Variants in RTL4 observed in about 807,000 individuals in gnomAD.
The protein encoded by RTL4 is retrotransposon Gag-like protein 4.
A neutral mutation model predicts 5.3 loss-of-function variants in RTL4; 4 were observed. The observed-to-expected ratio is 0.75, with a 90% CI of 0.37 to 1.72. RTL4 has a LOEUF of 1.72. RTL4 is among the 40% of genes most tolerant of loss of function. RTL4 has a pLI of 0.04. For missense variants in RTL4, 260 were observed against 227.1 expected (o/e 1.14, Z -0.93); for synonymous variants, 98 against 87.3 (o/e 1.12, Z -0.68).
At chrX:112,426,676 T>A in the RTL4 span, among the ~76,000 whole-genome samples, 1 of 111,515 alleles carries the variant, frequency 9.0e-6, no homozygotes, top group South Asian at 3.7e-4. Flanking sequence ...ATTCCACTTG[T>A]TAATTGCTGT....
the RTL4 span, among the ~76,000 whole-genome samples, chrX:112,090,080 A>G: frequency 9.1e-6 from 1 of 110,479 alleles, no homozygotes; most frequent in African/African-American, 3.3e-5. Context: ...ATGATCGTGT[A>G]CTCTGCAACT....
chrX:112,169,716 T>TTA, the RTL4 span, among the ~76,000 whole-genome samples: 1 of 111,701 alleles, frequency 9.0e-6, no homozygotes, highest in Admixed American at 9.5e-5. Context: ...GTTCTCCTGG[T>TTA]TATATTTCTT....
chrX:112,220,940 A>G, the RTL4 span, among the ~76,000 whole-genome samples: 2 of 111,460 alleles, frequency 1.8e-5, no homozygotes, highest in South Asian at 3.8e-4. Context: ...AACTGTTCCA[A>G]CCTCTGCCTG....
chrX:112,159,780 A>C, the RTL4 span, among the ~76,000 whole-genome samples: 1 of 111,260 alleles, frequency 9.0e-6, no homozygotes, highest in East Asian at 2.9e-4. Context: ...TTCCAAATGC[A>C]TTCCATTCAG....
At chrX:112,331,692 T>G in the RTL4 span, among the ~76,000 whole-genome samples, 1 of 105,020 alleles carries the variant, frequency 9.5e-6, no homozygotes, top group African/African-American at 3.5e-5. Context: ...CATGCTGCTA[T>G]AAAGACACAT....
the RTL4 span, among the ~76,000 whole-genome samples, chrX:112,241,629 C>G: frequency 3.6e-5 from 4 of 111,971 alleles, no homozygotes; most frequent in African/African-American, 1.3e-4. Context: ...CACAAATTTT[C>G]TCCCATTCTG....
At chrX:112,327,261 A>G in the RTL4 span, among the ~76,000 whole-genome samples, 1 of 111,776 alleles carries the variant, frequency 8.9e-6, no homozygotes, top group African/African-American at 3.2e-5. Context: ...ACTTTGAAAA[A>G]AATTTGGAAG....
chrX:112,372,007 G>A, the RTL4 span, among the ~76,000 whole-genome samples: 1 of 111,442 alleles, frequency 9.0e-6, no homozygotes, highest in African/African-American at 3.3e-5. Flanking sequence ...ATACATAAAA[G>A]TATACAAATG....
chrX:112,316,467 A>AAATT, the RTL4 span, among the ~76,000 whole-genome samples: 1 of 111,737 alleles, frequency 8.9e-6, no homozygotes, highest in African/African-American at 3.3e-5. Flanking sequence ...TTTGCAATTC[A>AAATT]AATTATTTAA....
At chrX:112,145,345 G>A in the RTL4 span, among the ~76,000 whole-genome samples, 1 of 111,698 alleles carries the variant, frequency 9.0e-6, no homozygotes, top group South Asian at 3.8e-4. Context: ...TAATGTCAGG[G>A]TGTGAGTGGG....
chrX:112,114,643 G>A, the RTL4 span, among the ~76,000 whole-genome samples: 7 of 111,478 alleles, frequency 6.3e-5, no homozygotes, highest in Admixed American at 6.6e-4. Flanking sequence ...AAAACTGATA[G>A]ACAGGAGGTT....
chrX:112,169,762 T>G, the RTL4 span, among the ~76,000 whole-genome samples: 1 of 111,781 alleles, frequency 8.9e-6, no homozygotes. Context: ...ATATAGCTTC[T>G]GATAGATGTT....
chrX:112,433,069 C>T, the RTL4 span, among the ~76,000 whole-genome samples: 1 of 110,067 alleles, frequency 9.1e-6, no homozygotes, highest in Non-Finnish European at 1.9e-5. Flanking sequence ...TCTGAGGGCT[C>T]TGTTCTGTTC....
At chrX:112,330,427 C>T in the RTL4 span, among the ~76,000 whole-genome samples, 11 of 108,465 alleles carry the variant, frequency 1.0e-4, no homozygotes, top group East Asian at 2.8e-4. Context: ...GAGAATAAAA[C>T]ACCTAGGAAT....
chrX:112,107,467 T>G, the RTL4 span, among the ~76,000 whole-genome samples: 1 of 112,185 alleles, frequency 8.9e-6, no homozygotes, highest in East Asian at 2.8e-4. Context: ...ATCTTGATGA[T>G]CTCTCTTTAG....
At chrX:112,292,854 G>C in the RTL4 span, among the ~76,000 whole-genome samples, 1 of 111,544 alleles carries the variant, frequency 9.0e-6, no homozygotes, top group Admixed American at 9.5e-5. Flanking sequence ...ATTTTTATAT[G>C]TATATAATTT....
the RTL4 span, among the ~76,000 whole-genome samples, chrX:112,202,901 C>T: frequency 9.0e-6 from 1 of 111,499 alleles, no homozygotes; most frequent in Non-Finnish European, 1.9e-5. Flanking sequence ...ATAAGTGATC[C>T]AGTTTCACTG....
the RTL4 span, among the ~76,000 whole-genome samples, chrX:112,161,641 C>T: frequency 8.1e-5 from 9 of 111,435 alleles, no homozygotes; most frequent in Non-Finnish European, 1.5e-4. Context: ...CAAAAGCAGA[C>T]AGGCAACAGC....
chrX:112,442,436 A>G, the RTL4 span, among the ~76,000 whole-genome samples: 1 of 107,059 alleles, frequency 9.3e-6, no homozygotes, highest in South Asian at 4.2e-4. Flanking sequence ...TTTAGTATAG[A>G]TGGAGTTTCA....
Sources: gnomAD v4.1 joint callset for allele counts (sites outside exome capture counted in the v4.1 genomes callset) on GRCh38, gnomAD v4.1.1 for gene constraint, MANE v1.5 for transcripts, NCBI Gene and HGNC (gene_info 2026-07-23, HGNC 2026-07-21) for gene names.